SLFN12L: variants seen among roughly 807,000 people sequenced by gnomAD.
The protein encoded by SLFN12L is schlafen family member 12 like.
Under a neutral mutation model 34.8 loss-of-function variants are expected in SLFN12L, and 34 were observed. That is an observed-to-expected ratio of 0.98 (90% CI 0.74 to 1.30). The LOEUF (loss-of-function observed/expected upper bound fraction) is 1.30, where lower values mean the gene tolerates loss of function less well. Ranked by LOEUF, SLFN12L falls within the 50% of genes most tolerant of loss-of-function variation. SLFN12L has a pLI of 0.00. For missense variants in SLFN12L, 703 were observed against 696.2 expected (o/e 1.01, Z -0.11); for synonymous variants, 259 against 247.5 (o/e 1.05, Z -0.44).
At chr17:35,492,484 C>A (rs776224413) in intron 2 of SLFN12L, among the ~76,000 whole-genome samples, 4 of 152,158 alleles carry the variant, frequency 2.6e-5, no homozygotes, top group Admixed American at 2.0e-4. Context: ...AAAGACATCC[C>A]CGTTGTGTGA....
chr17:35,479,063 C>T, intron 3 of SLFN12L, 54 bp downstream of exon 3: 2 of 1,355,672 alleles, frequency 1.5e-6, no homozygotes, highest in Admixed American at 2.7e-5. Context: ...TACAATAAAA[C>T]CTTCCTGCCA....
chr17:35,504,306 G>C (rs1382234681), intron 2 of SLFN12L, among the ~76,000 whole-genome samples: 3 of 152,138 alleles, frequency 2.0e-5, no homozygotes, highest in Non-Finnish European at 4.4e-5. Flanking sequence ...TGCTGTAGTT[G>C]GTCCAATGTT....
intron 2 of SLFN12L, among the ~76,000 whole-genome samples, chr17:35,505,483 G>C (rs1915436242): frequency 6.6e-6 from 1 of 152,202 alleles, no homozygotes; most frequent in Admixed American, 6.5e-5. Flanking sequence ...ACGCTATGGT[G>C]ACTTTCATGA....
At chr17:35,486,934 C>T (rs1370536836) in intron 2 of SLFN12L, among the ~76,000 whole-genome samples, 1 of 152,208 alleles carries the variant, frequency 6.6e-6, no homozygotes, top group African/African-American at 2.4e-5. Context: ...GATTTGCCGT[C>T]TTCGGATACC....
At chr17:35,527,185 C>A (rs992835701) in intron 1 of SLFN12L, among the ~76,000 whole-genome samples, 2 of 152,082 alleles carry the variant, frequency 1.3e-5, no homozygotes, top group African/African-American at 4.8e-5. Flanking sequence ...CTGAATAGAC[C>A]AATAACAGCT....
chr17:35,480,095 C>T lies in SLFN12L; in HGVS notation c.187G>A (p.Val63Ile), dbSNP rs1380700938. 5 of 1,613,968 alleles carry T rather than the reference C, an allele frequency of 3.1e-6. No individual in the cohort carries two copies. Among genetic ancestry groups the T allele is most frequent in the Non-Finnish European group, 4.2e-6 (5 of 1,180,024 alleles). Residue 63 changes from valine to isoleucine, a missense_variant, in exon 3 of 5, where the codon GTC becomes ATC. Val to Ile is a conservative substitution (Grantham distance 29, BLOSUM62 3). Transcript: ENST00000628453. Reference protein sequence around the residue: ...YAELVLNVGRVTLGENNRKKM... With the variant: ...YAELVLNVGRITLGENNRKKM... Reference sequence around the variant, plus strand: ...TTTCTATTGTTCTCTCCAAGAGTGACTCTTCCCACATTTAGAACCAGCTCA... The same window carrying T: ...TTTCTATTGTTCTCTCCAAGAGTGATTCTTCCCACATTTAGAACCAGCTCA...
intron 2 of SLFN12L, among the ~76,000 whole-genome samples, chr17:35,501,694 CTA>C (rs1915299392): frequency 6.6e-6 from 1 of 152,130 alleles, no homozygotes; most frequent in Non-Finnish European, 1.5e-5. Flanking sequence ...TTAAGGGAGA[CTA>C]TGGAGTACTA....
In SLFN12L at chr17:35,465,051, A is replaced by AT. The variant is rs927666439; in HGVS notation, c.*9871dup. 2.0e-5 allele frequency among the ~76,000 whole-genome samples: 3 copies of AT among 151,862 alleles called. No individual in the cohort carries two copies. The highest frequency in any genetic ancestry group is 7.3e-5 in the African/African-American group (3 of 41,338). ...ACCACCACATCCAGCTAATTTTTGT[A>AT]TTTTTTAGTAGAGATGAGGTTTCAC... On this transcript the variant is annotated 3_prime_UTR_variant, in exon 5 of 5. Coordinates refer to ENST00000628453, the MANE Select transcript of SLFN12L (RefSeq NM_001363830.2).
chr17:35,533,063 T>C (rs1433513427), intron 1 of SLFN12L, among the ~76,000 whole-genome samples: 6 of 152,198 alleles, frequency 3.9e-5, no homozygotes, highest in Non-Finnish European at 7.3e-5. Flanking sequence ...TCTTATCATC[T>C]TAATAATATT....
chr17:35,530,412 AGGAAGGAAGGAAGGAAGGGAAG>A (rs757694090), intron 1 of SLFN12L, among the ~76,000 whole-genome samples: 7 of 11,308 alleles, frequency 6.2e-4, no homozygotes, highest in Admixed American at 1.5e-3. Flanking sequence ...GAAGGAAGGA[AGGAAGGAAGGAAGGAAGGGAAG>A]GGAAGGGAAG....
intron 3 of SLFN12L, 166 bp from the exon 4 acceptor site, chr17:35,478,351 C>T (rs539570066): frequency 2.1e-6 from 1 of 480,072 alleles, no homozygotes; most frequent in African/African-American, 2.1e-5. Context: ...ATTCCTAGGT[C>T]AGATACAAAT....
chr17:35,488,312 C>T (rs370658755), intron 2 of SLFN12L, among the ~76,000 whole-genome samples: 128 of 152,334 alleles, frequency 8.4e-4, no homozygotes, highest in African/African-American at 2.9e-3. Flanking sequence ...GCGCAGTTGA[C>T]GCCAGAAACC....
rs945995031 is a variant in SLFN12L, at chr17:35,516,243, G to T, written c.86+6036C>A. Among the ~76,000 whole-genome samples, 4 of 152,194 alleles carry T rather than the reference G, an allele frequency of 2.6e-5. No individual in the cohort carries two copies. In the South Asian group the frequency reaches 8.3e-4, roughly 31 times the overall value. ...AACTCTATTACTTCAGCATCAAAAA[G>T]GTTGGGGTCCCTACTAGGGGCATGG... On this transcript the variant is annotated intron_variant, in intron 2 of 4. Transcript: ENST00000628453.
At chr17:35,514,478 T>C (rs1050768322) in intron 2 of SLFN12L, among the ~76,000 whole-genome samples, 1 of 150,938 alleles carries the variant, frequency 6.6e-6, no homozygotes, top group Non-Finnish European at 1.5e-5. Context: ...GTTTTCAACA[T>C]AAGCAAGGCC....
intron 1 of SLFN12L, among the ~76,000 whole-genome samples, chr17:35,534,481 C>T (rs1339448977): frequency 6.6e-6 from 1 of 152,168 alleles, no homozygotes; most frequent in Admixed American, 6.5e-5. Context: ...ATGGAAAAGA[C>T]CTTTCAGGAT....
At chr17:35,497,799 C>G (rs1419101485) in intron 2 of SLFN12L, among the ~76,000 whole-genome samples, 1 of 152,164 alleles carries the variant, frequency 6.6e-6, no homozygotes, top group Admixed American at 6.5e-5. Context: ...ACAAAGGGTA[C>G]AACTTCAGAA....
At chr17:35,502,416 GAAAAAAAAAAA>G (rs1161388791) in intron 2 of SLFN12L, among the ~76,000 whole-genome samples, 150 of 25,260 alleles carry the variant, frequency 5.9e-3, no homozygotes, top group African/African-American at 0.016. Flanking sequence ...GTATCCTAAG[GAAAAAAAAAAA>G]AAAAAAAAAA....
At chr17:35,522,075 A>T (rs972456288) in intron 2 of SLFN12L, among the ~76,000 whole-genome samples, 1 of 152,166 alleles carries the variant, frequency 6.6e-6, no homozygotes, top group Non-Finnish European at 1.5e-5. Flanking sequence ...CATATGTAAC[A>T]AACCTGCACG....
intron 2 of SLFN12L, chr17:35,515,275 G>A (rs760788431): frequency 5.4e-5 from 22 of 405,944 alleles, no homozygotes; most frequent in Non-Finnish European, 9.8e-5. Context: ...GAGCCGCTCA[G>A]ACCCGACGCC....
Sources: gnomAD v4.1 joint callset for allele counts (sites outside exome capture counted in the v4.1 genomes callset) on GRCh38, gnomAD v4.1.1 for gene constraint, MANE v1.5 for transcripts, NCBI Gene and HGNC (gene_info 2026-07-23, HGNC 2026-07-21) for gene names.